The following FSTL5 variants were observed in gnomAD, a reference collection of about 807,000 sequenced individuals.
FSTL5 encodes the protein follistatin-related protein 5.
A neutral mutation model predicts 89.1 loss-of-function variants in FSTL5; 62 were observed. That is an observed-to-expected ratio of 0.70 (90% CI 0.57 to 0.86). The LOEUF is 0.86. Ranked by LOEUF, FSTL5 falls within the 40% of genes least tolerant of loss-of-function variation. The probability of loss-of-function intolerance (pLI) is 0.00; values close to 1 mark genes in which losing one functional copy is unlikely to be tolerated. For synonymous variants in FSTL5, 383 were observed against 346.2 expected, an observed-to-expected ratio of 1.11 and a Z score of -1.18; for missense variants, 1,057 against 1,001.6, an observed-to-expected ratio of 1.06 and a Z score of -0.75.
chr4:161,548,384 A>G (rs1402076231), intron 8 of FSTL5, among the ~76,000 whole-genome samples: 1 of 151,908 alleles, frequency 6.6e-6, no homozygotes, highest in Non-Finnish European at 1.5e-5. Flanking sequence ...ATAGAGTTGA[A>G]AGAGGTGTGG....
chr4:161,675,474 C>T (rs1232466121), intron 6 of FSTL5, among the ~76,000 whole-genome samples: 1 of 151,280 alleles, frequency 6.6e-6, no homozygotes, highest in African/African-American at 2.4e-5. Flanking sequence ...GTTAATATAA[C>T]AACCTGAGAA....
chr4:162,018,411 T>C (rs761538057), intron 3 of FSTL5, among the ~76,000 whole-genome samples: 4 of 152,182 alleles, frequency 2.6e-5, no homozygotes, highest in Admixed American at 6.6e-5. Context: ...AAAAACCCTA[T>C]TGATACCTAA....
Position 161,612,973 on chromosome 4 carries a change from A to G in FSTL5, c.895-25398T>C, listed in dbSNP as rs138659398. 4.0e-3 allele frequency among the ~76,000 whole-genome samples: 603 copies of G among 152,258 alleles called. 3 individuals carry two copies. Among genetic ancestry groups the G allele is most frequent in the Middle Eastern group, 0.017 (5 of 294 alleles). On this transcript the variant is annotated intron_variant, in intron 7 of 15. Coordinates refer to ENST00000306100, the MANE Select transcript of FSTL5 (RefSeq NM_020116.5). ...TTTACTAGTTTAACAGTTGTATCTT[A>G]AGATAGGTCGAATACTGGAATTCAA... is the stretch of plus-strand genomic sequence containing the variant.
intron 10 of FSTL5, among the ~76,000 whole-genome samples, chr4:161,515,440 C>T (rs1368368118): frequency 6.6e-6 from 1 of 152,084 alleles, no homozygotes; most frequent in East Asian, 1.9e-4. Flanking sequence ...CTCCTGACCT[C>T]AGGTGATCCA....
At chr4:161,931,222 G>T (rs1452961994) in intron 3 of FSTL5, among the ~76,000 whole-genome samples, 1 of 151,852 alleles carries the variant, frequency 6.6e-6, no homozygotes, top group Non-Finnish European at 1.5e-5. Context: ...AATATGTTTA[G>T]GATGTGTCAC....
At chr4:162,120,333 A>T (rs1731802374) in intron 1 of FSTL5, among the ~76,000 whole-genome samples, 2 of 152,128 alleles carry the variant, frequency 1.3e-5, no homozygotes, top group African/African-American at 2.4e-5. Context: ...ACATTATTAG[A>T]ACCATGTTAT....
intron 11 of FSTL5, among the ~76,000 whole-genome samples, chr4:161,505,833 T>C (rs1730460263): frequency 6.6e-6 from 1 of 152,092 alleles, no homozygotes; most frequent in Admixed American, 6.6e-5. Flanking sequence ...GTAAAATGAT[T>C]TAAAAAGCTT....
At chr4:161,898,134 G>T (rs748681371) in intron 4 of FSTL5, among the ~76,000 whole-genome samples, 2 of 146,404 alleles carry the variant, frequency 1.4e-5, no homozygotes, top group Admixed American at 6.9e-5. Context: ...TAAACATAAG[G>T]TTAAATATAT....
chr4:162,010,005 T>C (rs1736715652), intron 3 of FSTL5, among the ~76,000 whole-genome samples: 1 of 151,808 alleles, frequency 6.6e-6, no homozygotes, highest in Non-Finnish European at 1.5e-5. Context: ...AACCTATTAA[T>C]CTTTACAGAA....
chr4:161,570,437 A>G (rs1732965133), intron 8 of FSTL5, among the ~76,000 whole-genome samples: 1 of 152,144 alleles, frequency 6.6e-6, no homozygotes, highest in Admixed American at 6.5e-5. Flanking sequence ...CTTTTCTGAA[A>G]AGGAAAGAGA....
intron 8 of FSTL5, among the ~76,000 whole-genome samples, chr4:161,586,368 C>G (rs1294384362): frequency 3.9e-5 from 6 of 152,088 alleles, no homozygotes; most frequent in Non-Finnish European, 8.8e-5. Context: ...TTAATCTCAT[C>G]CAATCTCAAA....
At chr4:161,609,552 T>G (rs1367668669) in intron 7 of FSTL5, among the ~76,000 whole-genome samples, 2 of 152,200 alleles carry the variant, frequency 1.3e-5, no homozygotes, top group African/African-American at 4.8e-5. Flanking sequence ...AATTTGATTT[T>G]AATATCTCAC....
intron 11 of FSTL5, among the ~76,000 whole-genome samples, chr4:161,504,871 C>T (rs13434830): frequency 0.017 from 2,594 of 152,046 alleles, 67 homozygotes; most frequent in African/African-American, 0.058. Flanking sequence ...ACTATGTAAT[C>T]TACACTAGCA....
chr4:161,389,828 C>G (rs140513750), intron 15 of FSTL5, among the ~76,000 whole-genome samples: 1 of 152,162 alleles, frequency 6.6e-6, no homozygotes, highest in East Asian at 1.9e-4. Context: ...AATTATTAAT[C>G]ACATAAAACA....
At chr4:161,977,004 T>C (rs1014047799) in intron 3 of FSTL5, among the ~76,000 whole-genome samples, 1 of 152,158 alleles carries the variant, frequency 6.6e-6, no homozygotes, top group Non-Finnish European at 1.5e-5. Context: ...ATTTTATCCA[T>C]TCAGATAAGG....
At position 161,966,649 on chromosome 4, in the gene FSTL5, T is replaced by C. The variant is rs140783780; in HGVS notation, c.161-45997A>G. On this transcript the variant is annotated intron_variant, in intron 3 of 15. Coordinates refer to ENST00000306100, the MANE Select transcript of FSTL5 (RefSeq NM_020116.5). ...CTGATGTGAAGACACAGAGAAAACA[T>C]GGCCATCTGTTAAGCAAGGAGAGAG... Among the ~76,000 whole-genome samples the C allele has an allele frequency of 1.7e-3, 264 of 152,190 alleles. 1 individual carries two copies. In the South Asian group the frequency reaches 0.018, roughly 11 times the overall value.
chr4:161,465,535 C>T (rs2126422607), intron 13 of FSTL5, among the ~76,000 whole-genome samples: 1 of 152,220 alleles, frequency 6.6e-6, no homozygotes, highest in Non-Finnish European at 1.5e-5. Context: ...AATCCTCCCA[C>T]CTCAGTTTCC....
chr4:161,534,978 T>G (rs1578906218), intron 10 of FSTL5, among the ~76,000 whole-genome samples: 1 of 152,240 alleles, frequency 6.6e-6, no homozygotes, highest in East Asian at 1.9e-4. Context: ...GGGAAAGGAC[T>G]ATCTATTCAG....
At chr4:162,042,534 T>C (rs1738004633) in intron 2 of FSTL5, among the ~76,000 whole-genome samples, 1 of 151,970 alleles carries the variant, frequency 6.6e-6, no homozygotes, top group Non-Finnish European at 1.5e-5. Flanking sequence ...ATAGCATGGA[T>C]AAGGGATGGA....
Sources: gnomAD v4.1 joint callset for allele counts (sites outside exome capture counted in the v4.1 genomes callset) on GRCh38, gnomAD v4.1.1 for gene constraint, MANE v1.5 for transcripts, NCBI Gene and HGNC (gene_info 2026-07-23, HGNC 2026-07-21) for gene names.